The following UGT2B4 variants were observed in gnomAD, a reference collection of about 807,000 sequenced individuals.
UGT2B4 encodes UDP-glucuronosyltransferase 2B4.
A neutral mutation model predicts 49.8 loss-of-function variants in UGT2B4; 49 were observed. The observed-to-expected ratio is 0.98, with a 90% CI of 0.78 to 1.25. The LOEUF is 1.25. UGT2B4 is among the 50% of genes most tolerant of loss of function. UGT2B4 has a pLI of 0.00. For missense variants in UGT2B4, 729 were observed against 627.7 expected (o/e 1.16, Z -1.73); for synonymous variants, 246 against 217.7 (o/e 1.13, Z -1.14).
Position 69,480,792 on chromosome 4 carries a change from G to T in UGT2B4, c.1429C>A (p.Arg477=), listed in dbSNP as rs778378649. The change falls in exon 6 of 6, where the codon CGG becomes AGG. Residue 477 remains arginine (R), a synonymous_variant. Coordinates refer to ENST00000305107, the MANE Select transcript of UGT2B4 (RefSeq NM_021139.3). ...CAGGTGAGGTCGTGGGCTGCAACCC[G>T]AAGGTGCTTGGCTCCTTTATGGCGC... is the stretch of plus-strand genomic sequence containing the variant. ...VMRHKGAKHL[R]VAAHDLTWFQ... is the part of the protein sequence containing the mutation. 2 of 1,613,944 alleles carry T rather than the reference G, an allele frequency of 1.2e-6. No individual in the cohort carries two copies. Among genetic ancestry groups the T allele is most frequent in the Non-Finnish European group, 1.7e-6 (2 of 1,179,866 alleles).
intron 1 of UGT2B4, among the ~76,000 whole-genome samples, chr4:69,512,119 T>G (rs944567337): frequency 1.3e-5 from 2 of 151,990 alleles, no homozygotes; most frequent in Admixed American, 1.3e-4. Flanking sequence ...TATTTTCCAT[T>G]TTTCCATTCT....
chr4:69,495,981 C>A, upstream of UGT2B4: 1 of 1,444,470 alleles, frequency 6.9e-7, no homozygotes, highest in Non-Finnish European at 9.2e-7. Flanking sequence ...AAAGTAAATA[C>A]ATTATATTAA....
At chr4:69,500,614 A>AAAGAAAGC (rs1560438344), upstream of UGT2B4, among the ~76,000 whole-genome samples, 3 of 114,622 alleles carry the variant, frequency 2.6e-5, no homozygotes, top group East Asian at 7.1e-4. Flanking sequence ...AGGAAGAAAG[A>AAAGAAAGC]AAGAAAGAAA....
upstream of UGT2B4, among the ~76,000 whole-genome samples, chr4:69,498,591 A>G (rs1728225272): frequency 6.6e-6 from 1 of 151,042 alleles, no homozygotes; most frequent in Non-Finnish European, 1.5e-5. Context: ...TTCTCAGTTC[A>G]TCTTTGGGAG....
At chr4:69,500,278 T>G (rs568581756), upstream of UGT2B4, among the ~76,000 whole-genome samples, 7 of 152,028 alleles carry the variant, frequency 4.6e-5, no homozygotes, top group African/African-American at 1.7e-4. Context: ...GATAAATAGC[T>G]AATGCATTCC....
At chr4:69,509,384 T>C (rs1269316750) in intron 1 of UGT2B4, among the ~76,000 whole-genome samples, 2 of 152,082 alleles carry the variant, frequency 1.3e-5, no homozygotes, top group Admixed American at 6.6e-5. Flanking sequence ...GTGGAAGTTC[T>C]ATTTTTAATT....
chr4:69,500,528 GAAAGAAGA>G (rs1227557691), upstream of UGT2B4, among the ~76,000 whole-genome samples: 19 of 145,314 alleles, frequency 1.3e-4, no homozygotes, highest in Non-Finnish European at 2.3e-4. Flanking sequence ...AAGAAAGAAA[GAAAGAAGA>G]AAGAAAGAAA....
chr4:69,494,218 C>T (rs41299994), intron 1 of UGT2B4, among the ~76,000 whole-genome samples: 3,511 of 152,134 alleles, frequency 0.023, 56 homozygotes, highest in Non-Finnish European at 0.036. Flanking sequence ...TTCTACCATA[C>T]CCATAAAAAC....
intron 1 of UGT2B4, among the ~76,000 whole-genome samples, chr4:69,511,731 T>C (rs955894407): frequency 8.6e-4 from 131 of 152,136 alleles, no homozygotes; most frequent in Non-Finnish European, 3.7e-4. Flanking sequence ...TTGGAAAAGA[T>C]TATAAAGAAA....
At chr4:69,508,201 A>G (rs529260888) in intron 1 of UGT2B4, among the ~76,000 whole-genome samples, 3 of 152,294 alleles carry the variant, frequency 2.0e-5, no homozygotes, top group East Asian at 1.9e-4. Context: ...ATAAATTAAA[A>G]AAACAGATGT....
upstream of UGT2B4, among the ~76,000 whole-genome samples, chr4:69,497,347 C>T (rs2109816747): frequency 6.6e-6 from 1 of 152,290 alleles, no homozygotes; most frequent in African/African-American, 2.4e-5. Context: ...TCCATTAACC[C>T]CTTAAAAACT....
intron 1 of UGT2B4, among the ~76,000 whole-genome samples, chr4:69,513,831 T>C (rs749722698): frequency 1.3e-4 from 20 of 152,130 alleles, no homozygotes; most frequent in Non-Finnish European, 1.0e-4. Flanking sequence ...TTCTTTTTTG[T>C]GGCAATTGTG....
rs140804285 is a variant in UGT2B4 at position 69,511,928 on chromosome 4, G to T, written c.-106+13759C>A. 3.3e-5 allele frequency among the ~76,000 whole-genome samples: 5 copies of T among 151,914 alleles called. No homozygotes were observed. In the East Asian group the frequency reaches 5.8e-4, roughly 18 times the overall value. ...TGAATATATCAATTTCTTCTACGTT[G>T]TCCAGTTTGTTGGTTAATAACTGTT... On this transcript the variant is annotated intron_variant, in intron 1 of 1. Transcript: ENST00000510114.
intron 1 of UGT2B4, among the ~76,000 whole-genome samples, chr4:69,516,934 A>C (rs1728749039): frequency 6.6e-6 from 1 of 151,488 alleles, no homozygotes; most frequent in Admixed American, 6.6e-5. Flanking sequence ...TTCTTTAGAG[A>C]AACATCTGTT....
At chr4:69,492,286 C>A (rs1728010994) in intron 2 of UGT2B4, among the ~76,000 whole-genome samples, 1 of 151,962 alleles carries the variant, frequency 6.6e-6, no homozygotes, top group Non-Finnish European at 1.5e-5. Context: ...TATGTTTATG[C>A]TAAGATGTAA....
chr4:69,485,122 C>A, intron 5 of UGT2B4, 86 bp downstream of exon 5: 1 of 1,475,024 alleles, frequency 6.8e-7, no homozygotes, highest in Non-Finnish European at 9.3e-7. Flanking sequence ...AAATCAGTCG[C>A]TTATAAAAAG....
At chr4:69,502,312 A>C (rs1553896719) in intron 1 of UGT2B4, among the ~76,000 whole-genome samples, 1 of 151,792 alleles carries the variant, frequency 6.6e-6, no homozygotes, top group Non-Finnish European at 1.5e-5. Flanking sequence ...ATTTTGCTGC[A>C]GCTATCAACC....
At chr4:69,519,738 A>T (rs1489826285) in intron 1 of UGT2B4, among the ~76,000 whole-genome samples, 2 of 152,230 alleles carry the variant, frequency 1.3e-5, no homozygotes, top group Non-Finnish European at 2.9e-5. Context: ...ATGTAAATTG[A>T]GAGTTAATCT....
chr4:69,480,931 T>C (rs550252524), intron 5 of UGT2B4, 21 bp from the exon 6 acceptor site: 9 of 1,608,348 alleles, frequency 5.6e-6, no homozygotes, highest in Non-Finnish European at 7.7e-6. Flanking sequence ...AGCAGAAAAG[T>C]ATCAACATTG....
Sources: gnomAD v4.1 joint callset for allele counts (sites outside exome capture counted in the v4.1 genomes callset) on GRCh38, gnomAD v4.1.1 for gene constraint, MANE v1.5 for transcripts, NCBI Gene and HGNC (gene_info 2026-07-23, HGNC 2026-07-21) for gene names.